QTGAL: variants seen among roughly 807,000 people sequenced by gnomAD.
The protein encoded by QTGAL is BGnT-like protein 1.
the QTGAL span, chr17:82,944,603 A>G: frequency 3.3e-5 from 5 of 152,198 alleles, no homozygotes; most frequent in African/African-American, 4.8e-5. Flanking sequence ...ATGGCAGAAA[A>G]GAGAATGCTT....
At chr17:82,969,142 A>G in the QTGAL span, among the ~76,000 whole-genome samples, 1 of 151,536 alleles carries the variant, frequency 6.6e-6, no homozygotes, top group Non-Finnish European at 1.5e-5. Context: ...AGGAAAAAAA[A>G]AAAAAAAGAA....
the QTGAL span, among the ~76,000 whole-genome samples, chr17:82,997,104 G>A: frequency 1.1e-4 from 16 of 152,144 alleles, no homozygotes; most frequent in Admixed American, 7.2e-4. Context: ...ACAAAGTGAA[G>A]AGACAACCCA....
At chr17:82,982,932 G>A in the QTGAL span, among the ~76,000 whole-genome samples, 1 of 152,134 alleles carries the variant, frequency 6.6e-6, no homozygotes, top group Non-Finnish European at 1.5e-5. Context: ...GATGTTAGCA[G>A]CTGGGGGTGG....
the QTGAL span, among the ~76,000 whole-genome samples, chr17:82,960,698 C>T: frequency 7.2e-5 from 11 of 152,164 alleles, no homozygotes; most frequent in African/African-American, 2.7e-4. Flanking sequence ...ACGGCAGCTG[C>T]GCCCCCCAGG....
the QTGAL span, among the ~76,000 whole-genome samples, chr17:82,997,567 A>G: frequency 6.6e-6 from 1 of 152,228 alleles, no homozygotes; most frequent in African/African-American, 2.4e-5. Flanking sequence ...TCAGTATATC[A>G]AAGAGTTGCC....
At chr17:83,039,481 C>T in the QTGAL span, among the ~76,000 whole-genome samples, 31 of 112,712 alleles carry the variant, frequency 2.8e-4, no homozygotes, top group African/African-American at 1.1e-3. Flanking sequence ...GGGCGCCCGC[C>T]GCCCGCCCCT....
chr17:82,958,047 C>T, the QTGAL span, among the ~76,000 whole-genome samples: 18 of 152,232 alleles, frequency 1.2e-4, no homozygotes, highest in Middle Eastern at 3.4e-3. Flanking sequence ...CCAGCCCCAT[C>T]GCTGCCCGGG....
chr17:82,955,678 A>G, the QTGAL span, among the ~76,000 whole-genome samples: 21 of 152,342 alleles, frequency 1.4e-4, no homozygotes, highest in African/African-American at 5.1e-4. Context: ...AAATCATTCT[A>G]TTATAAAGAT....
At chr17:83,018,384 A>G in the QTGAL span, among the ~76,000 whole-genome samples, 1 of 152,266 alleles carries the variant, frequency 6.6e-6, no homozygotes, top group African/African-American at 2.4e-5. Context: ...GATCCCTAAA[A>G]ACTTCAAAAA....
chr17:83,023,954 C>A, the QTGAL span, among the ~76,000 whole-genome samples: 1 of 152,212 alleles, frequency 6.6e-6, no homozygotes, highest in Non-Finnish European at 1.5e-5. Flanking sequence ...AAAAGTGCTT[C>A]CTCCCCTGTG....
At chr17:82,962,098 G>A in the QTGAL span, among the ~76,000 whole-genome samples, 1 of 152,210 alleles carries the variant, frequency 6.6e-6, no homozygotes, top group Admixed American at 6.5e-5. Flanking sequence ...TGAGAGCCTA[G>A]CAGCAGGGCC....
chr17:82,957,270 GC>G, the QTGAL span: 1 of 1,614,172 alleles, frequency 6.2e-7, no homozygotes, highest in Middle Eastern at 1.6e-4. Context: ...GCACAGAAGG[GC>G]AGCTCTGGAC....
At chr17:83,006,517 G>A in the QTGAL span, 2 of 985,318 alleles carry the variant, frequency 2.0e-6, no homozygotes, top group South Asian at 4.7e-5. This position sits in a 1 kb window ranked among gnomAD's most constrained non-coding sequence, Gnocchi z 5.8. Context: ...CGCACCAGGA[G>A]AGGGACATGA....
the QTGAL span, chr17:82,945,985 T>C: frequency 6.6e-6 from 1 of 152,146 alleles, no homozygotes. Flanking sequence ...CAGCAGCATA[T>C]AAATCAGTGG....
At chr17:82,987,675 C>T in the QTGAL span, among the ~76,000 whole-genome samples, 2 of 152,164 alleles carry the variant, frequency 1.3e-5, no homozygotes, top group African/African-American at 4.8e-5. Flanking sequence ...TTACTGTAGA[C>T]TTGTAGTATA....
the QTGAL span, among the ~76,000 whole-genome samples, chr17:83,002,758 G>C: frequency 2.0e-5 from 3 of 152,208 alleles, no homozygotes; most frequent in Non-Finnish European, 4.4e-5. Flanking sequence ...CACATCGCAT[G>C]CAGCAGCCTG....
the QTGAL span, among the ~76,000 whole-genome samples, chr17:83,004,633 C>T: frequency 6.9e-5 from 9 of 129,752 alleles, 1 homozygote; most frequent in East Asian, 1.4e-3. Flanking sequence ...TCCCACCCTC[C>T]GCACTCCGCG....
the QTGAL span, among the ~76,000 whole-genome samples, chr17:82,985,325 G>A: frequency 6.6e-6 from 1 of 152,232 alleles, no homozygotes; most frequent in Non-Finnish European, 1.5e-5. Context: ...ACTTGACTTG[G>A]TGGCTGAGTT....
the QTGAL span, among the ~76,000 whole-genome samples, chr17:82,974,369 C>T: frequency 8.5e-3 from 1,300 of 152,326 alleles, 18 homozygotes; most frequent in African/African-American, 0.029. Flanking sequence ...CTGGCCGCCT[C>T]GAGCAGAGGC....
Sources: gnomAD v4.1 joint callset for allele counts (sites outside exome capture counted in the v4.1 genomes callset) on GRCh38, gnomAD v4.1.1 for gene constraint, Gnocchi (gnomAD v3.1) non-coding constraint, MANE v1.5 for transcripts, NCBI Gene and HGNC (gene_info 2026-07-23, HGNC 2026-07-21) for gene names.